ZSCAN10: variants seen among roughly 807,000 people sequenced by gnomAD.
The protein encoded by ZSCAN10 is zinc finger and SCAN domain containing 10.
In ZSCAN10, 52 loss-of-function variants were observed where a neutral mutation model predicts 63.7. The ratio of observed to expected loss-of-function variants is 0.82; its 90% CI spans 0.65 to 1.03. The LOEUF (loss-of-function observed/expected upper bound fraction) is 1.03. Ranked by LOEUF, ZSCAN10 falls within the 50% of genes least tolerant of loss-of-function variation. The pLI is 0.00. For synonymous variants in ZSCAN10, 544 were observed against 479.6 expected (o/e 1.13, Z -1.76); for missense variants, 1,223 against 1,103.8 (o/e 1.11, Z -1.53).
chr16:3,092,579 T>C lies in ZSCAN10; in HGVS notation c.359A>G (p.Glu120Gly). 1 of 1,575,140 alleles carries C rather than the reference T, an allele frequency of 6.3e-7. No homozygotes were observed. Among genetic ancestry groups the C allele is most frequent in the Non-Finnish European group, 8.6e-7 (1 of 1,161,908 alleles). The change falls in exon 2 of 6, where the codon GAG becomes GGG. Residue 120 changes from glutamate to glycine, a missense_variant. By Grantham distance (98) the Glu-to-Gly change is moderately conservative. Transcript: ENST00000576985. ...GTGGCTGGGCTCCCGGTGGATGCCC[T>C]CGAGCAGCAGCACCACCTCCTCCCC... Reference protein sequence around the residue: ...RDGEEVVLLLEGIHREPSHAG... With the variant: ...RDGEEVVLLLGGIHREPSHAG...
Position 3,093,041 on chromosome 16 carries a change from G to A in ZSCAN10, c.-67-37C>T, listed in dbSNP as rs941480634. On this transcript the variant is annotated intron_variant, in intron 1 of 5. Coordinates refer to ENST00000576985, the MANE Select transcript of ZSCAN10 (RefSeq NM_032805.3). ...AACACCCTGGGTTAGGATCTGCTGC[G>A]AGGAAGCTGGCCCCATACCTGGGTC... 90 of 1,316,254 alleles carry A rather than the reference G, an allele frequency of 6.8e-5. 1 individual carries two copies. Among genetic ancestry groups the A allele is most frequent in the Admixed American group, 3.5e-5 (1 of 28,218 alleles). 81.5% of individuals were successfully genotyped at this position (1,316,254 alleles called of 1,614,324 possible).
chr16:3,089,317 C>T lies in ZSCAN10; in HGVS notation c.2117G>A (p.Arg706Gln), dbSNP rs764768957. ...GRSFRRNAHL[R>Q]RHLATHAEPG... Reference sequence around the variant, plus strand: ...CTCCGCATGGGTAGCCAGGTGCCGCCGCAGATGCGCGTTGCGCCGGAAGCT... The same window carrying T: ...CTCCGCATGGGTAGCCAGGTGCCGCTGCAGATGCGCGTTGCGCCGGAAGCT... Residue 706 changes from arginine to glutamine, a missense_variant, in exon 6 of 6, where the codon CGG (arginine) becomes CAG (glutamine). Arg to Gln is a conservative substitution (Grantham distance 43). Transcript: ENST00000576985. The T allele has an allele frequency of 5.7e-6, 9 of 1,576,102 alleles. No homozygotes were observed. Among genetic ancestry groups the T allele is most frequent in the Middle Eastern group, 3.4e-4 (2 of 5,966 alleles).
In ZSCAN10 at chr16:3,092,797, G is replaced by T; in HGVS notation, c.141C>A (p.Phe47Leu). ...RLRPEVAHQLFRCFQYQEDMG... is the reference protein window; with the variant it reads ...RLRPEVAHQLLRCFQYQEDMG... Reference sequence around the variant, plus strand: ...TGTCCTCCTGATACTGGAAGCATCTGAACAGCTGGTGAGCCACCTCGGGCC... The same window carrying T: ...TGTCCTCCTGATACTGGAAGCATCTTAACAGCTGGTGAGCCACCTCGGGCC... The change falls in exon 2 of 6, where the codon TTC becomes TTA. Residue 47 changes from phenylalanine (F) to leucine (L), a missense_variant. By Grantham distance (22) the Phe-to-Leu change is conservative. Transcript: ENST00000576985. 2 of 1,571,562 alleles carry T rather than the reference G, an allele frequency of 1.3e-6. No individual in the cohort carries two copies. Among genetic ancestry groups the T allele is most frequent in the African/African-American group, 1.3e-5 (1 of 74,092 alleles).
At position 3,089,146 on chromosome 16, in the gene ZSCAN10, C is replaced by G; in HGVS notation, c.2288G>C (p.Arg763Pro). The change falls in exon 6 of 6, where the codon CGC becomes CCC. Residue 763 changes from arginine to proline, a missense_variant. Physicochemically the swap from Arg to Pro is moderately radical, Grantham distance 103 (BLOSUM62 -2). Coordinates refer to ENST00000576985, the MANE Select transcript of ZSCAN10 (RefSeq NM_032805.3). ...SCTQCGRSFS[R>P]NSHLLRHLRT... ...CAGGTGGCGCAGCAGGTGGGAGTTG[C>G]GGCTGAAGCTGCGGCCACACTGCGT... 6.5e-7 allele frequency: 1 copy of G among 1,526,864 alleles called. No individual in the cohort carries two copies. The allele number at this position is 1,526,864 out of a possible 1,614,324, so 94.6% of individuals were successfully genotyped here.
rs1018609050 is a variant in ZSCAN10 at position 3,089,974 on chromosome 16, C to T, written c.1460G>A (p.Arg487His). 7.8e-6 allele frequency: 12 copies of T among 1,546,214 alleles called. No individual in the cohort carries two copies. Among genetic ancestry groups the T allele is most frequent in the South Asian group, 1.2e-5 (1 of 85,234 alleles). Residue 487 changes from arginine to histidine, a missense_variant, in exon 6 of 6, where the codon CGC becomes CAC. Arg to His is a conservative substitution (Grantham distance 29). Transcript: ENST00000576985. ...CAGGTGGCGCTTGAGGCTGGAGCGG[C>T]GCTGGAAGCTCTGGCCGCAGTGGGA... ...LCSHCGQSFQ[R>H]RSSLKRHLRI... is the part of the protein sequence containing the mutation.
Position 3,089,948 on chromosome 16 carries a change from G to C in ZSCAN10, c.1486C>G (p.Arg496Gly). 1 of 1,541,170 alleles carries C rather than the reference G, an allele frequency of 6.5e-7. No individual in the cohort carries two copies. The change falls in exon 6 of 6, where the codon CGG becomes GGG. Residue 496 changes from arginine to glycine, a missense_variant. Arg to Gly is a moderately radical substitution (Grantham distance 125, BLOSUM62 -2). Transcript: ENST00000576985. ...CGGTCCTTGTCCCTGGCGTGGATCC[G>C]CAGGTGGCGCTTGAGGCTGGAGCGG... is the stretch of plus-strand genomic sequence containing the variant. The part of the protein sequence containing the change: ...QRRSSLKRHL[R>G]IHARDKDRRS...
At chr16:3,091,132 G>A (rs549579960) in intron 5 of ZSCAN10, among the ~76,000 whole-genome samples, 5 of 151,654 alleles carry the variant, frequency 3.3e-5, no homozygotes, top group African/African-American at 1.2e-4. Context: ...TCAAACAAGG[G>A]TGCCCTTTTA....
intron 1 of ZSCAN10, among the ~76,000 whole-genome samples, chr16:3,094,999 A>T (rs1957135881): frequency 6.6e-6 from 1 of 151,738 alleles, no homozygotes; most frequent in South Asian, 2.1e-4. Flanking sequence ...GACGCTGAAG[A>T]GTTTGGAGAA....
chr16:3,089,025 C>T lies in ZSCAN10; in HGVS notation c.*66G>A. 1 of 1,416,112 alleles carries T rather than the reference C, an allele frequency of 7.1e-7. No individual in the cohort carries two copies. The highest frequency in any genetic ancestry group is 9.1e-7 in the Non-Finnish European group (1 of 1,094,388). 87.7% of individuals were successfully genotyped at this position (1,416,112 alleles called of 1,614,324 possible). A position where few individuals can be genotyped will look rare whatever the true frequency, so the allele number is the denominator to read the frequency against. Reference sequence around the variant, plus strand: ...GGTGTGGTGGGAAGGGACATTCCTGCAGGCCTCCGCTGTGGAGGACCCCGG... The same window carrying T: ...GGTGTGGTGGGAAGGGACATTCCTGTAGGCCTCCGCTGTGGAGGACCCCGG... On this transcript the variant is annotated 3_prime_UTR_variant, in exon 6 of 6. Coordinates refer to ENST00000576985, the MANE Select transcript of ZSCAN10 (RefSeq NM_032805.3).
At position 3,089,511 on chromosome 16, in the gene ZSCAN10, C is replaced by G. The variant is rs1181662794; in HGVS notation, c.1923G>C (p.Glu641Asp). The G allele has an allele frequency of 3.1e-6, 5 of 1,601,306 alleles. No individual in the cohort carries two copies. Among genetic ancestry groups the G allele is most frequent in the African/African-American group, 1.3e-5 (1 of 74,174 alleles). ...EKPCRCSECG[E>D]GFSQSAHLAR... ...CCAGGTGGGCGCTCTGGCTGAAGCC[C>G]TCACCGCACTCGCTGCAGCGGCAGG... The change falls in exon 6 of 6, where the codon GAG (glutamate) becomes GAC (aspartate). Residue 641 changes from glutamate to aspartate, a missense_variant. Glu to Asp is a conservative substitution (Grantham distance 45, BLOSUM62 2). Transcript: ENST00000576985.
chr16:3,091,086 C>A (rs1957068141), intron 5 of ZSCAN10, among the ~76,000 whole-genome samples: 1 of 151,794 alleles, frequency 6.6e-6, no homozygotes, highest in African/African-American at 2.4e-5. Context: ...AACAAACAAA[C>A]AAAAAAACCT....
rs567358957 is a variant in ZSCAN10 at position 3,090,652 on chromosome 16, A to C, written c.788-6T>G. On this transcript the variant is annotated splice_region_variant and splice_polypyrimidine_tract_variant and intron_variant, in intron 5 of 5. Coordinates refer to ENST00000576985, the MANE Select transcript of ZSCAN10 (RefSeq NM_032805.3). ...TGGGGTTCTGCTTCCGAATCCTGGG[A>C]AACAAGACAAAACAGGGACGGTCAG... 2.8e-4 allele frequency: 433 copies of C among 1,523,502 alleles called. 9 individuals carry two copies. The South Asian group carries it at 4.9e-3, about 17-fold the overall frequency. 94.4% of individuals were successfully genotyped at this position (1,523,502 alleles called of 1,614,324 possible). A position where few individuals can be genotyped will look rare whatever the true frequency, so the allele number is the denominator to read the frequency against.
At position 3,095,079 on chromosome 16, in the gene ZSCAN10, C is replaced by T. The variant is rs565020470; in HGVS notation, c.-67-2075G>A. Among the ~76,000 whole-genome samples, 24 of 152,126 alleles carry T rather than the reference C, an allele frequency of 1.6e-4. 1 individual carries two copies. The South Asian group carries it at 3.3e-3, about 21-fold the overall frequency. On this transcript the variant is annotated intron_variant, in intron 1 of 5. Transcript: ENST00000576985. ...CTCTTTCAAGTTCTCTGGATGTTTTCGAATTTTCAAAATGAAAGGTTAGCG... is the reference window on the plus strand; with the variant it reads ...CTCTTTCAAGTTCTCTGGATGTTTTTGAATTTTCAAAATGAAAGGTTAGCG...
intron 1 of ZSCAN10, among the ~76,000 whole-genome samples, chr16:3,094,587 C>T (rs2151217756): frequency 6.6e-6 from 1 of 152,264 alleles, no homozygotes; most frequent in African/African-American, 2.4e-5. Flanking sequence ...TCAGGTGATC[C>T]GCCCGCTTCG....
At chr16:3,097,096 CAA>C (rs34194103) in intron 1 of ZSCAN10, among the ~76,000 whole-genome samples, 80 of 143,182 alleles carry the variant, frequency 5.6e-4, no homozygotes, top group Middle Eastern at 3.5e-3. Context: ...GAATCTGTCT[CAA>C]AAAAAAAAAA....
In ZSCAN10 at chr16:3,092,065, C is replaced by T; in HGVS notation, c.648G>A (p.Gln216=). 5 of 1,570,740 alleles carry T rather than the reference C, an allele frequency of 3.2e-6. No individual in the cohort carries two copies. Among genetic ancestry groups the T allele is most frequent in the Non-Finnish European group, 4.3e-6 (5 of 1,157,540 alleles). Residue 216 remains glutamine (Q), a synonymous_variant, in exon 3 of 6, where the codon CAG becomes CAA. Transcript: ENST00000576985. Reference sequence around the variant, plus strand: ...GCTCCTCACTGCTTTCTTGCAGGGCCTGGAATGTCTTCTGGGGCCCCGGGC... The same window carrying T: ...GCTCCTCACTGCTTTCTTGCAGGGCTTGGAATGTCTTCTGGGGCCCCGGGC... The part of the protein sequence containing the change: ...PLSPGPQKTF[Q]ALQESSPQGP...
At chr16:3,098,439 C>T (rs962882198) in intron 1 of ZSCAN10, among the ~76,000 whole-genome samples, 1 of 152,128 alleles carries the variant, frequency 6.6e-6, no homozygotes, top group Non-Finnish European at 1.5e-5. Context: ...CTGCTCTGTG[C>T]CATTTTCCTA....
intron 1 of ZSCAN10, among the ~76,000 whole-genome samples, chr16:3,097,837 G>A (rs1957171548): frequency 1.3e-5 from 2 of 152,144 alleles, no homozygotes; most frequent in African/African-American, 4.8e-5. Context: ...AGGAAAGCAT[G>A]TAACAACGTC....
chr16:3,092,488 G>A (rs1596285858), intron 2 of ZSCAN10, 54 bp downstream of exon 2: 3 of 1,457,168 alleles, frequency 2.1e-6, no homozygotes, highest in South Asian at 2.8e-5. Context: ...CTCACTGGGG[G>A]GATCAAGTCC....
Sources: gnomAD v4.1 joint callset for allele counts (sites outside exome capture counted in the v4.1 genomes callset) on GRCh38, gnomAD v4.1.1 for gene constraint, MANE v1.5 for transcripts, NCBI Gene and HGNC (gene_info 2026-07-23, HGNC 2026-07-21) for gene names.